Variants in TEX14 observed in about 807,000 individuals in gnomAD.
TEX14 encodes inactive serine/threonine-protein kinase TEX14.
TEX14 carries 168 observed loss-of-function variants against 178.6 expected under a neutral mutation model. That is an observed-to-expected ratio of 0.94 (90% CI 0.83 to 1.07). The LOEUF (loss-of-function observed/expected upper bound fraction) is 1.07. Among genes scored for constraint, TEX14 ranks in the 50% least tolerant of loss-of-function variants. The pLI, the probability that TEX14 is intolerant of heterozygous loss-of-function variation, is 0.00. For missense variants in TEX14, 1,730 were observed against 1,753.6 expected, an observed-to-expected ratio of 0.99 and a Z score of 0.24; for synonymous variants, 626 against 634.1, an observed-to-expected ratio of 0.99 and a Z score of 0.19.
At chr17:58,646,948 C>T (rs951367977) in intron 2 of TEX14, among the ~76,000 whole-genome samples, 1 of 151,670 alleles carries the variant, frequency 6.6e-6, no homozygotes, top group South Asian at 2.1e-4. Flanking sequence ...TCTTGTTTCC[C>T]AGGCTGGAGT....
chr17:58,632,021 G>A (rs1431302833), intron 2 of TEX14, among the ~76,000 whole-genome samples: 2 of 152,114 alleles, frequency 1.3e-5, no homozygotes, highest in Non-Finnish European at 2.9e-5. Flanking sequence ...GATACTTTAG[G>A]CAATCACTGT....
chr17:58,661,714 G>A lies in TEX14; in HGVS notation c.-1-9712C>T, dbSNP rs112263583. On this transcript the variant is annotated intron_variant, in intron 1 of 31. Transcript: ENST00000349033. Reference sequence around the variant, plus strand: ...CGGGCGCTGCACGGCAGGGCAGTCAGGGAGGCGGTGGCGTTGGGGGCGGCA... The same window carrying A: ...CGGGCGCTGCACGGCAGGGCAGTCAAGGAGGCGGTGGCGTTGGGGGCGGCA... 121 of 578,212 alleles carry A rather than the reference G, an allele frequency of 2.1e-4. 1 individual carries two copies. The highest frequency in any genetic ancestry group is 2.0e-3 in the African/African-American group (106 of 53,346). The allele number at this position is 578,212 out of a possible 1,614,324, so 35.8% of individuals were successfully genotyped here.
At chr17:58,659,214 G>C in intron 1 of TEX14, 1 of 269,130 alleles carries the variant, frequency 3.7e-6, no homozygotes, top group Non-Finnish European at 5.4e-6. Flanking sequence ...CTCATTCGGG[G>C]AAATCGCGGG....
intron 1 of TEX14, among the ~76,000 whole-genome samples, chr17:58,657,678 C>T (rs1452419321): frequency 6.6e-6 from 1 of 151,930 alleles, no homozygotes; most frequent in East Asian, 1.9e-4. Flanking sequence ...ACTTAACTTA[C>T]TCCATCTTGC....
At chr17:58,645,601 G>A (rs947333292) in intron 2 of TEX14, among the ~76,000 whole-genome samples, 3 of 151,478 alleles carry the variant, frequency 2.0e-5, no homozygotes, top group Admixed American at 6.6e-5. Context: ...CTCGTGATCC[G>A]CCCGCCTCAG....
chr17:58,611,863 C>T lies in TEX14; in HGVS notation c.1006-524G>A, dbSNP rs1427235059. Among the ~76,000 whole-genome samples the T allele has an allele frequency of 2.0e-5, 3 of 152,110 alleles. No homozygotes were observed. The East Asian group carries it at 5.8e-4, about 29-fold the overall frequency. On this transcript the variant is annotated intron_variant, in intron 9 of 31. Coordinates refer to ENST00000349033, the MANE Select transcript of TEX14 (RefSeq NM_031272.5). ...CTAAAGTCTTAATGGGTCTCTCCCC[C>T]AGAGAAATGGTCTTTAAGGTAATAC...
chr17:58,602,430 A>G lies in TEX14; in HGVS notation c.1497T>C (p.Asp499=). Reference sequence around the variant, plus strand: ...AGTCATTCTTCAGAATATACCGGATATCTTGAAGGTTCATAGTTCGGTCTT... The same window carrying G: ...AGTCATTCTTCAGAATATACCGGATGTCTTGAAGGTTCATAGTTCGGTCTT... The part of the protein sequence containing the change: ...KQKDRTMNLQ[D]IRYILKNDLK... Residue 499 remains aspartate, a synonymous_variant, in exon 12 of 32, where the codon GAT becomes GAC. Transcript: ENST00000349033. 6.2e-7 allele frequency: 1 copy of G among 1,614,044 alleles called. No individual in the cohort carries two copies. Among genetic ancestry groups the G allele is most frequent in the East Asian group, 2.2e-5 (1 of 44,874 alleles).
intron 18 of TEX14, 115 bp downstream of exon 18, chr17:58,585,686 G>A (rs908675925): frequency 2.1e-6 from 2 of 967,388 alleles, no homozygotes; most frequent in Admixed American, 2.2e-5. Context: ...AAATTCCTGG[G>A]CTCAGGTGAT....
intron 15 of TEX14, among the ~76,000 whole-genome samples, chr17:58,589,545 G>A (rs1206528419): frequency 2.3e-5 from 3 of 130,430 alleles, no homozygotes; most frequent in East Asian, 2.2e-4. Context: ...GCAACAGTGC[G>A]AGACTCCGTC....
At chr17:58,646,512 A>AT (rs2046711623) in intron 2 of TEX14, among the ~76,000 whole-genome samples, 1 of 151,352 alleles carries the variant, frequency 6.6e-6, no homozygotes, top group South Asian at 2.1e-4. Flanking sequence ...TTTTCTTTTC[A>AT]TTTTTTTCAG....
At chr17:58,624,175 C>G (rs914935261) in intron 3 of TEX14, among the ~76,000 whole-genome samples, 3 of 151,874 alleles carry the variant, frequency 2.0e-5, no homozygotes, top group African/African-American at 4.8e-5. Flanking sequence ...GTCCCAGCTA[C>G]TCGGGAGGCT....
intron 1 of TEX14, among the ~76,000 whole-genome samples, chr17:58,682,945 T>C (rs2047524637): frequency 6.6e-6 from 1 of 150,736 alleles, no homozygotes; most frequent in African/African-American, 2.4e-5. Flanking sequence ...AGGAGCTGGA[T>C]GCGGTGGCTA....
At chr17:58,603,952 T>TGTGTGTGTGTGTGTG (rs2045543523) in intron 11 of TEX14, among the ~76,000 whole-genome samples, 1 of 148,374 alleles carries the variant, frequency 6.7e-6, no homozygotes, top group African/African-American at 2.5e-5. Context: ...TGTGTCTTTC[T>TGTGTGTGTGTGTGTG]TTTGAAGGAT....
chr17:58,604,938 G>A, intron 11 of TEX14, 40 bp downstream of exon 11: 2 of 1,610,538 alleles, frequency 1.2e-6, no homozygotes, highest in Admixed American at 3.3e-5. Context: ...TGCAACCTAA[G>A]AATAGGGACT....
At chr17:58,593,959 C>T (rs942252247) in intron 14 of TEX14, among the ~76,000 whole-genome samples, 13 of 151,984 alleles carry the variant, frequency 8.6e-5, no homozygotes, top group Non-Finnish European at 1.3e-4. Context: ...CTCAGTCTCC[C>T]GAGTAGCTGG....
rs1360808265 is a variant in TEX14 at position 58,648,668 on chromosome 17, TC to T, written c.136+3197del. Among the ~76,000 whole-genome samples, 4 of 152,060 alleles carry T rather than the reference TC, an allele frequency of 2.6e-5. No individual in the cohort carries two copies. The South Asian group carries it at 8.3e-4, about 32-fold the overall frequency. ...AGCAGGCTGGGACTCAGGTCTCATC[TC>T]TCTTGCCTGCAAGCACCACAGTTCT... On this transcript the variant is annotated intron_variant, in intron 2 of 31. Transcript: ENST00000349033.
intron 1 of TEX14, among the ~76,000 whole-genome samples, chr17:58,690,782 C>A (rs916969074): frequency 6.6e-6 from 1 of 152,170 alleles, no homozygotes; most frequent in Non-Finnish European, 1.5e-5. Flanking sequence ...CGTATTCTCC[C>A]CGCCAGTAGG....
At chr17:58,621,126 C>G (rs950881811) in intron 5 of TEX14, among the ~76,000 whole-genome samples, 1 of 152,156 alleles carries the variant, frequency 6.6e-6, no homozygotes. Context: ...CAAGCTTAAC[C>G]CTGAGCATGG....
chr17:58,621,530 G>T, intron 5 of TEX14, 120 bp downstream of exon 5: 2 of 1,030,058 alleles, frequency 1.9e-6, no homozygotes, highest in Non-Finnish European at 2.8e-6. Flanking sequence ...ACACCCCTTT[G>T]GATGGGCCAG....
Sources: allele counts gnomAD v4.1 joint callset (sites outside exome capture counted in the v4.1 genomes callset), GRCh38; gene constraint gnomAD v4.1.1; transcripts MANE v1.5; gene names NCBI Gene and HGNC (gene_info 2026-07-23, HGNC 2026-07-21).